EXOC4: variants seen among roughly 807,000 people sequenced by gnomAD.
The protein encoded by EXOC4 is SEC8-like 1.
EXOC4 carries 71 observed loss-of-function variants against 107.2 expected under a neutral mutation model. The observed-to-expected ratio is 0.66, with a 90% CI of 0.55 to 0.81. The LOEUF is 0.81. Among genes scored for constraint, EXOC4 ranks in the 30% least tolerant of loss-of-function variants. EXOC4 has a pLI of 0.00. For missense variants in EXOC4, 1,108 were observed against 1,189.6 expected (o/e 0.93, Z 1.01); for synonymous variants, 456 against 441.2 (o/e 1.03, Z -0.42).
At chr7:133,683,376 T>C (rs1794228356) in intron 10 of EXOC4, among the ~76,000 whole-genome samples, 1 of 152,170 alleles carries the variant, frequency 6.6e-6, no homozygotes, top group Non-Finnish European at 1.5e-5. Flanking sequence ...ACTCACAGTG[T>C]ACTGATTTTA....
chr7:133,959,459 A>C (rs1192683738), intron 14 of EXOC4, among the ~76,000 whole-genome samples: 1 of 151,918 alleles, frequency 6.6e-6, no homozygotes, highest in Non-Finnish European at 1.5e-5. Flanking sequence ...AAAAAAGACA[A>C]AAAAGAAAAA....
At chr7:133,572,230 C>T (rs1036708466) in intron 9 of EXOC4, among the ~76,000 whole-genome samples, 1 of 152,128 alleles carries the variant, frequency 6.6e-6, no homozygotes, top group African/African-American at 2.4e-5. Context: ...CTGCACCACC[C>T]CAGTCTGTTT....
intron 10 of EXOC4, among the ~76,000 whole-genome samples, chr7:133,681,215 G>C (rs1032963902): frequency 6.6e-6 from 1 of 152,148 alleles, no homozygotes; most frequent in African/African-American, 2.4e-5. Context: ...TGTTTGTGCT[G>C]TTGTTTTGAA....
rs370327688 is a variant in EXOC4, at chr7:134,004,976, G to C, written c.2413G>C (p.Val805Leu). Residue 805 changes from valine (V) to leucine (L), a missense_variant, in exon 16 of 18, where the codon GTG becomes CTG. By Grantham distance (32) the Val-to-Leu change is conservative. Transcript: ENST00000253861. ...KEGNYAIVAN[V>L]ESMDYDPLVV... Reference sequence around the variant, plus strand: ...GGGGAACTATGCCATTGTGGCTAATGTGGAAAGTATGGATTATGACCCCCT... The same window carrying C: ...GGGGAACTATGCCATTGTGGCTAATCTGGAAAGTATGGATTATGACCCCCT... 29 of 1,613,574 alleles carry C rather than the reference G, an allele frequency of 1.8e-5. No homozygotes were observed. The highest frequency in any genetic ancestry group is 2.5e-5 in the Non-Finnish European group (29 of 1,179,650).
At chr7:133,799,011 T>C (rs1796875802) in intron 10 of EXOC4, among the ~76,000 whole-genome samples, 2 of 152,082 alleles carry the variant, frequency 1.3e-5, no homozygotes, top group East Asian at 3.9e-4. Context: ...ACAGGTAAAA[T>C]TCAGGTGATC....
chr7:133,627,386 A>G (rs1318657125), intron 9 of EXOC4, among the ~76,000 whole-genome samples: 3 of 152,198 alleles, frequency 2.0e-5, no homozygotes, highest in Non-Finnish European at 2.9e-5. Flanking sequence ...AGTACCTAAT[A>G]TCGTAGCACT....
At chr7:133,482,283 C>A (rs1314336190) in intron 9 of EXOC4, among the ~76,000 whole-genome samples, 1 of 152,160 alleles carries the variant, frequency 6.6e-6, no homozygotes, top group African/African-American at 2.4e-5. Context: ...ACATGCCCAC[C>A]TTCCTCCAGT....
intron 17 of EXOC4, among the ~76,000 whole-genome samples, chr7:134,048,455 A>G (rs565498943): frequency 6.6e-6 from 1 of 152,356 alleles, no homozygotes; most frequent in Admixed American, 6.5e-5. Context: ...CTTGGAGGTT[A>G]GAGGCAAGAT....
intron 17 of EXOC4, among the ~76,000 whole-genome samples, chr7:134,020,829 T>C (rs1795011506): frequency 6.6e-6 from 1 of 151,958 alleles, no homozygotes; most frequent in African/African-American, 2.4e-5. Context: ...CTTCTAAAAC[T>C]ACAAAAATTA....
At chr7:133,328,061 T>A (rs1174025177) in intron 5 of EXOC4, among the ~76,000 whole-genome samples, 1 of 152,178 alleles carries the variant, frequency 6.6e-6, no homozygotes, top group Non-Finnish European at 1.5e-5. Flanking sequence ...CAACTATTAT[T>A]GTGTGGGAGT....
chr7:133,719,715 G>A (rs1377797059), intron 10 of EXOC4, among the ~76,000 whole-genome samples: 1 of 152,086 alleles, frequency 6.6e-6, no homozygotes, highest in Non-Finnish European at 1.5e-5. Flanking sequence ...TCTCTGAAGT[G>A]AGTTTTGGTG....
At chr7:133,402,522 G>A (rs538885427) in intron 7 of EXOC4, among the ~76,000 whole-genome samples, 2 of 152,088 alleles carry the variant, frequency 1.3e-5, no homozygotes, top group African/African-American at 4.8e-5. Flanking sequence ...TTTTTGAGAC[G>A]GAGTCTTGCT....
At chr7:133,318,909 C>G (rs1795048318) in intron 5 of EXOC4, among the ~76,000 whole-genome samples, 6 of 152,162 alleles carry the variant, frequency 3.9e-5, no homozygotes, top group Admixed American at 3.3e-4. Flanking sequence ...CTTCTTGGAG[C>G]TAGAAAGGTT....
chr7:133,284,897 C>T (rs1270472339), intron 2 of EXOC4, among the ~76,000 whole-genome samples: 1 of 152,146 alleles, frequency 6.6e-6, no homozygotes, highest in Non-Finnish European at 1.5e-5. Flanking sequence ...GACTCTCCTA[C>T]CTCATCCTAC....
In EXOC4 at chr7:133,271,956, G is replaced by A. The variant is rs567023648; in HGVS notation, c.87-3026G>A. On this transcript the variant is annotated intron_variant, in intron 1 of 17. Transcript: ENST00000253861. ...GAGTTAAGTGATCTAGTATTTGGGG[G>A]CGGTGGGATTTTAACTTTTGTCTTC... 3.9e-5 allele frequency among the ~76,000 whole-genome samples: 6 copies of A among 152,178 alleles called. No homozygotes were observed. The South Asian group carries it at 1.2e-3, about 32-fold the overall frequency.
chr7:133,270,340 AAATT>A (rs1341072762), intron 1 of EXOC4, among the ~76,000 whole-genome samples: 1 of 152,186 alleles, frequency 6.6e-6, no homozygotes, highest in African/African-American at 2.4e-5. Flanking sequence ...TTTTTGCAAT[AAATT>A]AATTATTATG....
At chr7:133,889,425 A>T (rs144592378) in intron 11 of EXOC4, among the ~76,000 whole-genome samples, 2,141 of 145,466 alleles carry the variant, frequency 0.015, 61 homozygotes, top group African/African-American at 0.051. Flanking sequence ...TATTATTATT[A>T]TTTTTTTTAA....
intron 10 of EXOC4, among the ~76,000 whole-genome samples, chr7:133,723,318 C>CT (rs1196215164): frequency 1.3e-5 from 2 of 152,222 alleles, no homozygotes; most frequent in African/African-American, 4.8e-5. Flanking sequence ...TGCTTTCACT[C>CT]TTCCACCTCC....
At chr7:133,574,908 A>C (rs1486796953) in intron 9 of EXOC4, among the ~76,000 whole-genome samples, 1 of 152,200 alleles carries the variant, frequency 6.6e-6, no homozygotes, top group Non-Finnish European at 1.5e-5. Context: ...TTACAAACAA[A>C]TTTTTGGATG....
Sources: allele counts gnomAD v4.1 joint callset (sites outside exome capture counted in the v4.1 genomes callset), GRCh38; gene constraint gnomAD v4.1.1; transcripts MANE v1.5; gene names NCBI Gene and HGNC (gene_info 2026-07-23, HGNC 2026-07-21).